TYW2: variants seen among roughly 807,000 people sequenced by gnomAD.
TYW2 encodes tRNA wybutosine-synthesizing protein 2 homolog.
At chr8:124,450,917 T>C in the TYW2 span, 2 of 1,607,632 alleles carry the variant, frequency 1.2e-6, no homozygotes, top group Non-Finnish European at 1.7e-6. Flanking sequence ...AGATGGAGTA[T>C]CGCTGAGGTG....
the TYW2 span, chr8:124,451,216 A>G: frequency 6.2e-7 from 1 of 1,613,998 alleles, no homozygotes; most frequent in South Asian, 1.1e-5. Flanking sequence ...TCCTTCGAAG[A>G]GGGCCCAGGG....
the TYW2 span, chr8:124,452,405 G>C: frequency 1.2e-6 from 1 of 834,928 alleles, no homozygotes; most frequent in Non-Finnish European, 1.8e-6. Context: ...CTGAAAGCAG[G>C]CTCTAGATCA....
chr8:124,450,858 C>T, the TYW2 span: 68 of 1,535,472 alleles, frequency 4.4e-5, no homozygotes, highest in Non-Finnish European at 5.6e-5. Context: ...CTGCAGGCTA[C>T]CTTATTTAAG....
chr8:124,451,498 C>G, the TYW2 span: 78 of 1,614,086 alleles, frequency 4.8e-5, no homozygotes, highest in Admixed American at 2.2e-4. Flanking sequence ...AGCAGTGACA[C>G]TGCTGCTGGG....
At chr8:124,450,862 AT>A in the TYW2 span, 5 of 1,544,840 alleles carry the variant, frequency 3.2e-6, no homozygotes, top group East Asian at 1.1e-4. Flanking sequence ...AGGCTACCTT[AT>A]TTAAGACCGG....
At chr8:124,450,831 C>G in the TYW2 span, 1 of 1,427,704 alleles carries the variant, frequency 7.0e-7, no homozygotes, top group South Asian at 1.4e-5. Flanking sequence ...TTTCCGGCAC[C>G]GGCATGGCCG....
the TYW2 span, chr8:124,450,854 G>T: frequency 6.6e-7 from 1 of 1,524,028 alleles, no homozygotes; most frequent in South Asian, 1.3e-5. Flanking sequence ...TGAGCTGCAG[G>T]CTACCTTATT....
At chr8:124,451,617 G>C in the TYW2 span, 24 of 1,614,200 alleles carry the variant, frequency 1.5e-5, no homozygotes, top group East Asian at 4.0e-4. Flanking sequence ...GAGTGGCATC[G>C]TTGTCCTGTG....
the TYW2 span, chr8:124,451,575 G>T: frequency 6.2e-7 from 1 of 1,614,194 alleles, no homozygotes; most frequent in Non-Finnish European, 8.5e-7. Context: ...CCCAGTGTAT[G>T]TTCTCCTTTG....
the TYW2 span, chr8:124,451,032 A>C: frequency 1.1e-5 from 17 of 1,614,042 alleles, no homozygotes; most frequent in African/African-American, 1.9e-4. Context: ...GATACAGAGA[A>C]TATCTCCAGA....
At chr8:124,450,918 C>G in the TYW2 span, 21 of 1,607,816 alleles carry the variant, frequency 1.3e-5, no homozygotes, top group Non-Finnish European at 1.7e-5. Flanking sequence ...GATGGAGTAT[C>G]GCTGAGGTGA....
the TYW2 span, chr8:124,452,381 C>G: frequency 1.7e-6 from 2 of 1,146,650 alleles, no homozygotes; most frequent in Non-Finnish European, 2.5e-6. Context: ...CAGTTTTTTT[C>G]ATATTTTATA....
chr8:124,451,470 G>C, the TYW2 span: 1 of 1,614,182 alleles, frequency 6.2e-7, no homozygotes, highest in South Asian at 1.1e-5. Flanking sequence ...GGGTATCACC[G>C]GATGGTACTC....
chr8:124,452,590 A>G, the TYW2 span: 1 of 320,066 alleles, frequency 3.1e-6, no homozygotes, highest in Non-Finnish European at 6.1e-6. Context: ...CGTTATTTGC[A>G]AAATGAGAGT....
the TYW2 span, chr8:124,451,988 A>G: frequency 6.2e-7 from 1 of 1,614,212 alleles, no homozygotes; most frequent in Non-Finnish European, 8.5e-7. Flanking sequence ...GGAGTCAGCA[A>G]AGTAGAGAAA....
chr8:124,451,911 T>A, the TYW2 span: 2 of 1,614,212 alleles, frequency 1.2e-6, no homozygotes, highest in Non-Finnish European at 1.7e-6. Flanking sequence ...TAAGGCAGGA[T>A]GCTGGAGGCA....
chr8:124,450,850 G>C, the TYW2 span: 1 of 1,511,054 alleles, frequency 6.6e-7, no homozygotes, highest in South Asian at 1.3e-5. Flanking sequence ...CGGGTGAGCT[G>C]CAGGCTACCT....
chr8:124,452,961 C>T, the TYW2 span: 3 of 166,984 alleles, frequency 1.8e-5, no homozygotes, highest in Admixed American at 6.5e-5. Context: ...TTTCCATTCC[C>T]TTACTGTGGC....
At chr8:124,451,321 CG>C in the TYW2 span, 4 of 1,614,146 alleles carry the variant, frequency 2.5e-6, no homozygotes, top group Non-Finnish European at 3.4e-6. Context: ...TGATTTGCCC[CG>C]ATCATGGCAA....
Sources: allele counts gnomAD v4.1 joint callset, GRCh38; gene constraint gnomAD v4.1.1; transcripts MANE v1.5; gene names NCBI Gene and HGNC (gene_info 2026-07-23, HGNC 2026-07-21).